Variants in YAF2 observed in about 807,000 individuals in gnomAD.
YAF2 encodes the protein YY1 associated factor 2, also known as YY1-associated factor 2.
In YAF2, 7 loss-of-function variants were observed where a neutral mutation model predicts 20.1. The observed-to-expected ratio is 0.35, with a 90% confidence interval of 0.20 to 0.65. The LOEUF (loss-of-function observed/expected upper bound fraction) is 0.65, where lower values mean the gene tolerates loss of function less well. YAF2 is among the 30% of genes least tolerant of loss of function. The pLI is 0.69. For missense variants in YAF2, 151 were observed against 219.2 expected, an observed-to-expected ratio of 0.69 and a Z score of 1.96; for synonymous variants, 74 against 76.0, an observed-to-expected ratio of 0.97 and a Z score of 0.14.
intron 2 of YAF2, among the ~76,000 whole-genome samples, chr12:42,224,348 A>G (rs895874847): frequency 6.6e-6 from 1 of 152,194 alleles, no homozygotes; most frequent in African/African-American, 2.4e-5. Flanking sequence ...ATCATTCAAC[A>G]GAAAATAATT....
chr12:42,226,995 G>A (rs1473656486), intron 2 of YAF2, among the ~76,000 whole-genome samples: 1 of 148,366 alleles, frequency 6.7e-6, no homozygotes, highest in Non-Finnish European at 1.5e-5. Flanking sequence ...CGGGACAGTC[G>A]CGGCGCTGAC....
intron 2 of YAF2, among the ~76,000 whole-genome samples, chr12:42,212,685 T>A (rs1183449467): frequency 6.6e-6 from 1 of 152,246 alleles, no homozygotes; most frequent in African/African-American, 2.4e-5. Context: ...GTCATATTTG[T>A]ATTTGTTAGG....
rs181141912 is a variant in YAF2 at position 42,226,862 on chromosome 12, G to A, written c.152+10737C>T. On this transcript the variant is annotated intron_variant, in intron 2 of 3. Coordinates refer to ENST00000534854, the MANE Select transcript of YAF2 (RefSeq NM_005748.6). ...CATCTTGAGAGGAGGTCGCGGCGCC[G>A]GAGGCCCCAGAAGGCTCGAAGGCGC... 8.7e-3 allele frequency among the ~76,000 whole-genome samples: 1,315 copies of A among 150,992 alleles called. 18 individuals are homozygous for A. Among genetic ancestry groups the A allele is most frequent in the African/African-American group, 0.03 (1,262 of 41,464 alleles).
At chr12:42,206,807 A>G (rs1296205109) in intron 2 of YAF2, among the ~76,000 whole-genome samples, 4 of 152,046 alleles carry the variant, frequency 2.6e-5, no homozygotes, top group Non-Finnish European at 5.9e-5. Context: ...TATTATTCCC[A>G]TTTTAGAATT....
At chr12:42,218,221 C>CAT (rs1177704642) in intron 2 of YAF2, among the ~76,000 whole-genome samples, 1 of 147,674 alleles carries the variant, frequency 6.8e-6, no homozygotes, top group Non-Finnish European at 1.5e-5. Context: ...CACACACACA[C>CAT]ACACACAGAT....
chr12:42,193,671 T>G (rs1032023664), intron 2 of YAF2, among the ~76,000 whole-genome samples: 6 of 152,070 alleles, frequency 3.9e-5, no homozygotes, highest in Admixed American at 6.6e-5. Flanking sequence ...CCCAGCTAAT[T>G]TTTTTGTATT....
chr12:42,171,799 CAA>C (rs11352121), intron 2 of YAF2, among the ~76,000 whole-genome samples: 2,817 of 142,920 alleles, frequency 0.02, 76 homozygotes, highest in African/African-American at 0.063. Flanking sequence ...ACAGAAAATA[CAA>C]AAAAAAAAAA....
intron 2 of YAF2, among the ~76,000 whole-genome samples, chr12:42,223,553 G>T (rs116959789): frequency 2.7e-4 from 41 of 151,900 alleles, no homozygotes; most frequent in Admixed American, 1.1e-3. Flanking sequence ...GTACAGACAG[G>T]GTCTCGCTAT....
chr12:42,188,497 T>C (rs1291734674), intron 2 of YAF2, among the ~76,000 whole-genome samples: 1 of 150,906 alleles, frequency 6.6e-6, no homozygotes, highest in Non-Finnish European at 1.5e-5. Flanking sequence ...GCAATTCTCA[T>C]GCCTCAGCCT....
At chr12:42,171,230 A>T (rs142761178) in intron 2 of YAF2, among the ~76,000 whole-genome samples, 562 of 152,276 alleles carry the variant, frequency 3.7e-3, no homozygotes, top group African/African-American at 0.013. Flanking sequence ...ACCTCAAGTG[A>T]TCCGCCCACC....
intron 2 of YAF2, among the ~76,000 whole-genome samples, chr12:42,213,533 C>T (rs955554822): frequency 6.6e-6 from 1 of 152,142 alleles, no homozygotes; most frequent in Admixed American, 6.5e-5. Context: ...TTTCCAACAT[C>T]GCAAATTTCA....
rs1322427226 is a variant in YAF2, at chr12:42,160,524, C to T, written c.*65G>A. On this transcript the variant is annotated 3_prime_UTR_variant, in exon 4 of 4. Transcript: ENST00000534854. ...TATCTGTCATGAAAATGTGGTACCT[C>T]TTGGCATAATCTGTGTATTTGCATG... The T allele has an allele frequency of 8.8e-6, 11 of 1,244,366 alleles. No homozygotes were observed. Among genetic ancestry groups the T allele is most frequent in the Non-Finnish European group, 1.0e-5 (9 of 868,314 alleles). The allele number at this position is 1,244,366 out of a possible 1,614,324, so 77.1% of individuals were successfully genotyped here.
At chr12:42,201,291 G>T (rs1467285427) in intron 2 of YAF2, among the ~76,000 whole-genome samples, 1 of 152,178 alleles carries the variant, frequency 6.6e-6, no homozygotes, top group African/African-American at 2.4e-5. Flanking sequence ...AACTGTATGA[G>T]TAACATCCCA....
intron 2 of YAF2, among the ~76,000 whole-genome samples, chr12:42,169,221 T>C (rs546597941): frequency 6.6e-6 from 1 of 152,308 alleles, no homozygotes; most frequent in East Asian, 1.9e-4. Context: ...CTTCTGTGTA[T>C]CATGACATTA....
chr12:42,216,578 T>C (rs903548928), intron 2 of YAF2, among the ~76,000 whole-genome samples: 1 of 152,148 alleles, frequency 6.6e-6, no homozygotes, highest in Non-Finnish European at 1.5e-5. Flanking sequence ...AAGTCTCTCC[T>C]AGGTCTCTTT....
intron 2 of YAF2, among the ~76,000 whole-genome samples, chr12:42,203,880 C>A (rs2066967034): frequency 6.6e-6 from 1 of 152,156 alleles, no homozygotes; most frequent in Non-Finnish European, 1.5e-5. Flanking sequence ...TTGGGATTAG[C>A]TGTTCCGCAA....
Position 42,208,540 on chromosome 12 carries a change from C to A in YAF2, c.152+29059G>T, listed in dbSNP as rs375850547. Among the ~76,000 whole-genome samples the A allele has an allele frequency of 2.5e-4, 38 of 152,180 alleles. No homozygotes were observed. The East Asian group carries it at 3.3e-3, about 13-fold the overall frequency. On this transcript the variant is annotated intron_variant, in intron 2 of 3. Transcript: ENST00000534854. ...TGTATCATTCAGCTAACTATAACCA[C>A]AAAAATGGTTAAGATCAATCTATAG...
At position 42,160,834 on chromosome 12, in the gene YAF2, T is replaced by C; in HGVS notation, c.306-8A>G. 6.3e-7 allele frequency: 1 copy of C among 1,582,710 alleles called. No homozygotes were observed. Among genetic ancestry groups the C allele is most frequent in the East Asian group, 2.2e-5 (1 of 44,546 alleles). ...ACATTTTTCAATCTTGGCCTAAACATAAAAAAATGAAATTTTAAACTAGCT... is the reference window on the plus strand; with the variant it reads ...ACATTTTTCAATCTTGGCCTAAACACAAAAAAATGAAATTTTAAACTAGCT... On this transcript the variant is annotated splice_polypyrimidine_tract_variant and splice_region_variant and intron_variant, in intron 3 of 3. Coordinates refer to ENST00000534854, the MANE Select transcript of YAF2 (RefSeq NM_005748.6).
At chr12:42,200,406 A>G (rs1293200964) in intron 2 of YAF2, among the ~76,000 whole-genome samples, 1 of 152,188 alleles carries the variant, frequency 6.6e-6, no homozygotes, top group African/African-American at 2.4e-5. Context: ...TCTTATCCCT[A>G]GCACCTAGTG....
Sources: allele counts gnomAD v4.1 joint callset (sites outside exome capture counted in the v4.1 genomes callset), GRCh38; gene constraint gnomAD v4.1.1; transcripts MANE v1.5; gene names NCBI Gene and HGNC (gene_info 2026-07-23, HGNC 2026-07-21).